Variants in CHRM3 observed in about 807,000 individuals in gnomAD.
CHRM3 encodes cholinergic receptor muscarinic 3.
A neutral mutation model predicts 41.8 loss-of-function variants in CHRM3; 11 were observed. The observed-to-expected ratio is 0.26, with a 90% CI of 0.17 to 0.44. The LOEUF is 0.44. Ranked by LOEUF, CHRM3 falls within the 20% of genes least tolerant of loss-of-function variation. CHRM3 has a pLI of 1.00. For synonymous variants in CHRM3, 297 were observed against 301.4 expected (o/e 0.99, Z 0.15); for missense variants, 571 against 745.4 (o/e 0.77, Z 2.72).
intron 1 of CHRM3, among the ~76,000 whole-genome samples, chr1:239,439,360 A>G (rs921091145): frequency 1.3e-5 from 2 of 152,148 alleles, no homozygotes; most frequent in Non-Finnish European, 1.5e-5. Flanking sequence ...TTAGTTACTC[A>G]TGGGAAAATG....
intron 1 of CHRM3, among the ~76,000 whole-genome samples, chr1:239,434,926 C>T (rs1281543085): frequency 1.3e-5 from 2 of 152,088 alleles, no homozygotes; most frequent in South Asian, 2.1e-4. Context: ...GGAAGTGGAC[C>T]TCCTCGAGAT....
At chr1:239,662,682 G>C (rs940733265) in intron 4 of CHRM3, among the ~76,000 whole-genome samples, 5 of 152,080 alleles carry the variant, frequency 3.3e-5, no homozygotes, top group Admixed American at 6.6e-5. Flanking sequence ...CAAGTTAATA[G>C]TTTTCTGCAA....
intron 3 of CHRM3, among the ~76,000 whole-genome samples, chr1:239,619,553 G>C (rs1668119526): frequency 6.6e-6 from 1 of 152,166 alleles, no homozygotes; most frequent in Non-Finnish European, 1.5e-5. Flanking sequence ...TAATTGATGA[G>C]AATGATGGCC....
At chr1:239,592,376 A>G (rs549387726) in intron 3 of CHRM3, among the ~76,000 whole-genome samples, 15 of 152,100 alleles carry the variant, frequency 9.9e-5, no homozygotes, top group Non-Finnish European at 1.8e-4. Context: ...AACTATCGCA[A>G]TTAATTTTGG....
At chr1:239,647,285 A>G (rs1229272273) in intron 4 of CHRM3, among the ~76,000 whole-genome samples, 2 of 152,154 alleles carry the variant, frequency 1.3e-5, no homozygotes, top group Non-Finnish European at 2.9e-5. Context: ...CAGAATGAGT[A>G]AAGACCTTCT....
intron 6 of CHRM3, among the ~76,000 whole-genome samples, chr1:239,882,494 T>C (rs1677727092): frequency 1.3e-5 from 2 of 152,170 alleles, no homozygotes; most frequent in Admixed American, 6.5e-5. Context: ...CGCACAATCC[T>C]ATGAGATAGG....
At chr1:239,428,540 A>G (rs1369330086) in intron 1 of CHRM3, among the ~76,000 whole-genome samples, 1 of 152,238 alleles carries the variant, frequency 6.6e-6, no homozygotes, top group Non-Finnish European at 1.5e-5. Flanking sequence ...CATAGCACAC[A>G]TTCCATACAT....
chr1:239,735,558 G>C (rs1411139772), intron 5 of CHRM3, among the ~76,000 whole-genome samples: 1 of 151,972 alleles, frequency 6.6e-6, no homozygotes, highest in Non-Finnish European at 1.5e-5. Flanking sequence ...CATTAATTTT[G>C]AATCAAATAA....
At chr1:239,803,961 T>C (rs549028695) in intron 5 of CHRM3, among the ~76,000 whole-genome samples, 1 of 152,354 alleles carries the variant, frequency 6.6e-6, no homozygotes, top group South Asian at 2.1e-4. Context: ...ACTGGTTTCC[T>C]GCCTTTCTAA....
chr1:239,576,049 G>T (rs761309870), intron 3 of CHRM3, among the ~76,000 whole-genome samples: 3 of 152,040 alleles, frequency 2.0e-5, no homozygotes, highest in African/African-American at 7.2e-5. Flanking sequence ...GACTACTCTA[G>T]GTAATGGAGT....
chr1:239,763,126 T>C (rs1420756048), intron 5 of CHRM3, among the ~76,000 whole-genome samples: 1 of 152,194 alleles, frequency 6.6e-6, no homozygotes, highest in East Asian at 1.9e-4. Flanking sequence ...TTTTTGTTTT[T>C]CTGGAAGAAC....
chr1:239,842,135 C>A (rs1572459983), intron 6 of CHRM3, among the ~76,000 whole-genome samples: 1 of 151,580 alleles, frequency 6.6e-6, no homozygotes, highest in Non-Finnish European at 1.5e-5. Flanking sequence ...TGCATGTCAT[C>A]TATCAAGTCC....
In CHRM3 at chr1:239,404,428, A is replaced by AAG. The variant is rs1249268029; in HGVS notation, c.-521+17203_-521+17204dup. On this transcript the variant is annotated intron_variant, in intron 1 of 6. Transcript: ENST00000676153. ...AGAAAGAAAAAGAAAGAAAGAAAGA[A>AAG]AGAAAGAAAGAAAGAAAGAAAGAAA... Among the ~76,000 whole-genome samples the AAG allele has an allele frequency of 9.4e-4, 107 of 113,662 alleles. 1 individual carries two copies. The highest frequency in any genetic ancestry group is 3.3e-3 in the African/African-American group (102 of 30,940). The allele number at this position is 113,662 out of a possible 152,430, so 74.6% of individuals were successfully genotyped here. A position where few individuals can be genotyped will look rare whatever the true frequency, so the allele number is the denominator to read the frequency against.
At chr1:239,773,775 AGG>A (rs1667873466) in intron 5 of CHRM3, among the ~76,000 whole-genome samples, 1 of 152,166 alleles carries the variant, frequency 6.6e-6, no homozygotes, top group Admixed American at 6.6e-5. Context: ...TAGACTTGGG[AGG>A]ATGAGAATAA....
intron 5 of CHRM3, among the ~76,000 whole-genome samples, chr1:239,807,524 G>C (rs1456246001): frequency 6.6e-6 from 1 of 152,216 alleles, no homozygotes; most frequent in Non-Finnish European, 1.5e-5. Flanking sequence ...CCTTGGAGAA[G>C]TGAATGGAAA....
At position 239,908,810 on chromosome 1, in the gene CHRM3, T is replaced by G. The variant is rs1417932258; in HGVS notation, c.1359T>G (p.Thr453=). The change falls in exon 7 of 7, where the codon ACT becomes ACG. Residue 453 remains threonine, a synonymous_variant. Transcript: ENST00000676153. This position sits in a 1 kb window ranked among gnomAD's most constrained non-coding sequence, Gnocchi z 7.2. The part of the protein sequence containing the change: ...VNSSVGKSTA[T]LPLSFKEATL... ...CCTCAGTGGGTAAGAGCACGGCCAC[T>G]CTACCTCTGTCCTTCAAGGAAGCCA... is the stretch of plus-strand genomic sequence containing the variant. The G allele has an allele frequency of 6.2e-7, 1 of 1,614,160 alleles. No homozygotes were observed. The highest frequency in any genetic ancestry group is 1.7e-5 in the Admixed American group (1 of 60,014).
rs1224965220 is a variant in CHRM3, at chr1:239,808,850, A to T, written c.-146-18402A>T. 3.3e-5 allele frequency among the ~76,000 whole-genome samples: 5 copies of T among 152,162 alleles called. No homozygotes were observed. In the East Asian group the frequency reaches 9.7e-4, roughly 29 times the overall value. ...GCTTGTATTGGTGCAGTGGACAAGC[A>T]GTTATTGAAAAGGCCTATTTAGAAT... On this transcript the variant is annotated intron_variant, in intron 5 of 6. Transcript: ENST00000676153.
intron 4 of CHRM3, among the ~76,000 whole-genome samples, chr1:239,642,471 A>G (rs1318117475): frequency 1.3e-5 from 2 of 152,064 alleles, no homozygotes; most frequent in Non-Finnish European, 2.9e-5. Flanking sequence ...GTTTCTTTAT[A>G]TTCTTTTTTA....
chr1:239,436,648 C>T (rs1456612682), intron 1 of CHRM3, among the ~76,000 whole-genome samples: 2 of 152,056 alleles, frequency 1.3e-5, no homozygotes, highest in Admixed American at 6.6e-5. Flanking sequence ...ATTTTTCTCA[C>T]ATTCATTAAT....
Sources: gnomAD v4.1 joint callset for allele counts (sites outside exome capture counted in the v4.1 genomes callset) on GRCh38, gnomAD v4.1.1 for gene constraint, Gnocchi (gnomAD v3.1) non-coding constraint, MANE v1.5 for transcripts, NCBI Gene and HGNC (gene_info 2026-07-23, HGNC 2026-07-21) for gene names.